Variants in MAP2K4 observed in about 807,000 individuals in gnomAD.
The protein encoded by MAP2K4 is dual specificity mitogen-activated protein kinase kinase 4.
In MAP2K4, 4 loss-of-function variants were observed where a neutral mutation model predicts 48.5. The ratio of observed to expected loss-of-function variants is 0.08; its 90% CI spans 0.04 to 0.19. The LOEUF (loss-of-function observed/expected upper bound fraction) is 0.19. Among genes scored for constraint, MAP2K4 ranks in the 10% least tolerant of loss-of-function variants. MAP2K4 has a pLI of 1.00. For synonymous variants in MAP2K4, 166 were observed against 173.1 expected (o/e 0.96, Z 0.32); for missense variants, 258 against 493.3 (o/e 0.52, Z 4.52).
intron 9 of MAP2K4, among the ~76,000 whole-genome samples, chr17:12,131,616 A>G (rs1240072193): frequency 6.6e-6 from 1 of 152,022 alleles, no homozygotes; most frequent in Non-Finnish European, 1.5e-5. Flanking sequence ...CTTCAGTTAC[A>G]TAAATTAAAA....
intron 1 of MAP2K4, among the ~76,000 whole-genome samples, chr17:12,022,704 G>A (rs1969126146): frequency 6.6e-6 from 1 of 152,208 alleles, no homozygotes; most frequent in African/African-American, 2.4e-5. Context: ...TGTCCTCATG[G>A]AGGTTATCCC....
chr17:12,124,883 G>A (rs2151587134), intron 7 of MAP2K4: 2 of 170,974 alleles, frequency 1.2e-5, no homozygotes, highest in South Asian at 2.9e-4. Context: ...CACCGTGTTA[G>A]CCAGGATGGT....
intron 1 of MAP2K4, among the ~76,000 whole-genome samples, chr17:12,035,411 G>A (rs1401396785): frequency 1.3e-5 from 2 of 152,188 alleles, no homozygotes; most frequent in Non-Finnish European, 1.5e-5. Flanking sequence ...TAGCTATTTG[G>A]GAGGCTGAGG....
chr17:12,025,745 A>G (rs773142385), intron 1 of MAP2K4, among the ~76,000 whole-genome samples: 4 of 152,330 alleles, frequency 2.6e-5, no homozygotes, highest in South Asian at 2.1e-4. Context: ...TTTAAAATGT[A>G]ATGAAGTATA....
intron 4 of MAP2K4, among the ~76,000 whole-genome samples, chr17:12,099,482 C>T (rs2151565634): frequency 6.6e-6 from 1 of 152,264 alleles, no homozygotes; most frequent in South Asian, 2.1e-4. Context: ...TATTGAGCTT[C>T]TGAAAGTTCC....
intron 1 of MAP2K4, among the ~76,000 whole-genome samples, chr17:12,030,778 C>CG (rs1454725014): frequency 1.3e-5 from 2 of 152,152 alleles, no homozygotes; most frequent in Non-Finnish European, 1.5e-5. Context: ...CTTTTCACCT[C>CG]TTTCTTTTTG....
At chr17:12,031,847 A>G (rs1384069471) in intron 1 of MAP2K4, among the ~76,000 whole-genome samples, 3 of 152,188 alleles carry the variant, frequency 2.0e-5, no homozygotes, top group African/African-American at 7.2e-5. Context: ...AAACTTTTGC[A>G]TCATAGATGG....
intron 1 of MAP2K4, among the ~76,000 whole-genome samples, chr17:12,040,581 A>G (rs1969745905): frequency 1.3e-5 from 2 of 152,332 alleles, no homozygotes; most frequent in South Asian, 2.1e-4. Context: ...AGACAAGACT[A>G]GTCCTGCCAA....
chr17:12,021,082 C>G, intron 1 of MAP2K4, 81 bp downstream of exon 1: 1 of 849,156 alleles, frequency 1.2e-6, no homozygotes, highest in Non-Finnish European at 1.5e-6. Context: ...GCGGACGCCC[C>G]CGGACCCGGC....
intron 2 of MAP2K4, among the ~76,000 whole-genome samples, chr17:12,062,020 T>C (rs1407617586): frequency 6.6e-6 from 1 of 151,970 alleles, no homozygotes; most frequent in Admixed American, 6.6e-5. Context: ...TCTCTCAACA[T>C]AGTTAAATAC....
chr17:12,035,004 C>A (rs968711811), intron 1 of MAP2K4, among the ~76,000 whole-genome samples: 6 of 152,082 alleles, frequency 3.9e-5, no homozygotes, highest in African/African-American at 1.4e-4. Flanking sequence ...AGATGGCTAG[C>A]CCTAAATTGA....
chr17:12,140,944 CCT>C (rs1289252448), intron 10 of MAP2K4, among the ~76,000 whole-genome samples: 2 of 152,126 alleles, frequency 1.3e-5, no homozygotes, highest in Admixed American at 1.3e-4. Flanking sequence ...TACCACGTAT[CCT>C]CTCTCTAGGC....
At chr17:12,028,766 T>G (rs903234445) in intron 1 of MAP2K4, among the ~76,000 whole-genome samples, 2 of 152,172 alleles carry the variant, frequency 1.3e-5, no homozygotes, top group African/African-American at 4.8e-5. Flanking sequence ...AAGCAACTAC[T>G]GAGGAGATAG....
intron 9 of MAP2K4, among the ~76,000 whole-genome samples, chr17:12,132,132 G>C (rs1484382459): frequency 6.6e-6 from 1 of 152,174 alleles, no homozygotes; most frequent in Non-Finnish European, 1.5e-5. Flanking sequence ...TACATAACTT[G>C]TAGGAGTATA....
chr17:12,110,797 G>T, intron 6 of MAP2K4: 1 of 185,678 alleles, frequency 5.4e-6, no homozygotes, highest in Non-Finnish European at 1.1e-5. Flanking sequence ...GCATTTTAAA[G>T]GCATGCTATC....
At chr17:12,080,441 A>T (rs1202609697) in intron 2 of MAP2K4, among the ~76,000 whole-genome samples, 1 of 152,110 alleles carries the variant, frequency 6.6e-6, no homozygotes, top group Non-Finnish European at 1.5e-5. Flanking sequence ...GATTGATTTT[A>T]CATTTTTCAT....
intron 1 of MAP2K4, among the ~76,000 whole-genome samples, chr17:12,038,504 T>C (rs949558045): frequency 6.6e-6 from 1 of 152,166 alleles, no homozygotes; most frequent in Non-Finnish European, 1.5e-5. Context: ...TTAACAAATG[T>C]GTATCTATAT....
At chr17:12,043,220 G>A (rs905488651) in intron 1 of MAP2K4, among the ~76,000 whole-genome samples, 2 of 152,022 alleles carry the variant, frequency 1.3e-5, no homozygotes, top group Non-Finnish European at 2.9e-5. Flanking sequence ...AATTCACTTG[G>A]AATTTGTTTT....
At chr17:12,088,542 T>TTATATGTAATATATATATTAAA (rs1567653682) in intron 3 of MAP2K4, among the ~76,000 whole-genome samples, 1 of 25,768 alleles carries the variant, frequency 3.9e-5, no homozygotes, top group Non-Finnish European at 1.6e-4. Context: ...ATATATTAAA[T>TTATATGTAATATATATATTAAA]TATATCTAAT....
Sources: allele counts gnomAD v4.1 joint callset (sites outside exome capture counted in the v4.1 genomes callset), GRCh38; gene constraint gnomAD v4.1.1; transcripts MANE v1.5; gene names NCBI Gene and HGNC (gene_info 2026-07-23, HGNC 2026-07-21).